GLIS3: variants seen among roughly 807,000 people sequenced by gnomAD.
The protein encoded by GLIS3 is zinc finger protein GLIS3.
Under a neutral mutation model 78.6 loss-of-function variants are expected in GLIS3, and 53 were observed. That is an observed-to-expected ratio of 0.67 (90% CI 0.54 to 0.85). The LOEUF (loss-of-function observed/expected upper bound fraction) is 0.85. Ranked by LOEUF, GLIS3 falls within the 40% of genes least tolerant of loss-of-function variation. GLIS3 has a pLI of 0.00. For missense variants in GLIS3, 1,703 were observed against 1,231.1 expected (o/e 1.38, Z -5.74); for synonymous variants, 684 against 509.9 (o/e 1.34, Z -4.60).
intron 4 of GLIS3, among the ~76,000 whole-genome samples, chr9:3,978,387 G>A (rs955131088): frequency 2.0e-5 from 3 of 151,972 alleles, no homozygotes; most frequent in African/African-American, 7.3e-5. Context: ...GGGAATATGT[G>A]TGTACACTTT....
At chr9:4,177,509 A>G (rs1464238607) in intron 2 of GLIS3, among the ~76,000 whole-genome samples, 2 of 152,174 alleles carry the variant, frequency 1.3e-5, no homozygotes, top group Non-Finnish European at 1.5e-5. Context: ...GAAGCAAGAT[A>G]CCCTCCCTTC....
the GLIS3 span, among the ~76,000 whole-genome samples, chr9:4,390,290 T>C: frequency 6.6e-6 from 1 of 152,266 alleles, no homozygotes; most frequent in South Asian, 2.1e-4. Context: ...CTTTGCACTA[T>C]GTGCAGGAAA....
chr9:4,251,242 C>T (rs1015964442), intron 2 of GLIS3, among the ~76,000 whole-genome samples: 3 of 152,256 alleles, frequency 2.0e-5, no homozygotes, highest in Middle Eastern at 3.4e-3. Flanking sequence ...TCGGACTCTA[C>T]GTCTCTTTGT....
At chr9:4,001,782 G>T (rs1163678542) in intron 4 of GLIS3, among the ~76,000 whole-genome samples, 2 of 152,144 alleles carry the variant, frequency 1.3e-5, no homozygotes, top group African/African-American at 4.8e-5. Flanking sequence ...ACCAAATACA[G>T]GACAGCAAGT....
chr9:4,255,137 A>T (rs762978601), intron 2 of GLIS3, among the ~76,000 whole-genome samples: 15 of 152,206 alleles, frequency 9.9e-5, no homozygotes, highest in Non-Finnish European at 1.8e-4. Context: ...TCATCAGAGA[A>T]AGGCAAATTA....
At chr9:4,399,814 A>T in the GLIS3 span, among the ~76,000 whole-genome samples, 2 of 152,294 alleles carry the variant, frequency 1.3e-5, no homozygotes, top group Middle Eastern at 6.8e-3. Context: ...AGCCTTGGGC[A>T]TGAGGTTAAG....
chr9:3,878,823 G>C (rs1045043173), intron 8 of GLIS3: 1 of 157,516 alleles, frequency 6.3e-6, no homozygotes, highest in African/African-American at 2.4e-5. Flanking sequence ...AGATGGAGAA[G>C]CAAGAGATGC....
At chr9:4,273,633 A>AAATAAATG (rs1051463994) in intron 2 of GLIS3, among the ~76,000 whole-genome samples, 2 of 139,106 alleles carry the variant, frequency 1.4e-5, no homozygotes, top group African/African-American at 5.1e-5. Flanking sequence ...ATAAATAAAT[A>AAATAAATG]AATGTATTTT....
chr9:3,932,429 G>A lies in GLIS3; in HGVS notation c.1914C>T (p.Tyr638=). 1 of 1,613,824 alleles carries A rather than the reference G, an allele frequency of 6.2e-7. No homozygotes were observed. Among genetic ancestry groups the A allele is most frequent in the Non-Finnish European group, 8.5e-7 (1 of 1,179,806 alleles). Reference sequence around the variant, plus strand: ...GCTTTCTTAGGGAACTTGGGTCTGTGTAGCGTTTGGTACATCCTGGAATTT... The same window carrying A: ...GCTTTCTTAGGGAACTTGGGTCTGTATAGCGTTTGGTACATCCTGGAATTT... ...ACQIPGCTKR[Y]TDPSSLRKHV... The change falls in exon 6 of 11, where the codon TAC becomes TAT. Residue 638 remains tyrosine, a synonymous_variant. Transcript: ENST00000381971.
rs190901593 is a variant in GLIS3 at position 3,925,124 on chromosome 9, T to C, written c.1983+7236A>G. On this transcript the variant is annotated intron_variant, in intron 6 of 10. Coordinates refer to ENST00000381971, the MANE Select transcript of GLIS3 (RefSeq NM_001042413.2). Reference sequence around the variant, plus strand: ...AACTACTTTGTTACATTTGACAAAATATTGTAATGTAATAAAGAATAATAC... The same window carrying C: ...AACTACTTTGTTACATTTGACAAAACATTGTAATGTAATAAAGAATAATAC... 1.1e-4 allele frequency among the ~76,000 whole-genome samples: 16 copies of C among 152,310 alleles called. No individual in the cohort carries two copies. In the South Asian group the frequency reaches 3.3e-3, roughly 32 times the overall value.
chr9:4,044,868 C>T (rs990010688), intron 4 of GLIS3, among the ~76,000 whole-genome samples: 4 of 152,174 alleles, frequency 2.6e-5, no homozygotes, highest in African/African-American at 9.7e-5. Context: ...GAAAGTCCCC[C>T]AGGATAATAG....
At position 3,927,933 on chromosome 9, in the gene GLIS3, C is replaced by G. The variant is rs184390475; in HGVS notation, c.1983+4427G>C. 2.0e-3 allele frequency among the ~76,000 whole-genome samples: 298 copies of G among 152,158 alleles called. 7 individuals carry two copies. The highest frequency in any genetic ancestry group is 0.017 in the Middle Eastern group (5 of 294). ...ATTAATTAGCATAAAAATTTCTAAC[C>G]AAAAACACTGGTGTTACAAAAGCAT... On this transcript the variant is annotated intron_variant, in intron 6 of 10. Coordinates refer to ENST00000381971, the MANE Select transcript of GLIS3 (RefSeq NM_001042413.2).
intron 4 of GLIS3, among the ~76,000 whole-genome samples, chr9:4,112,433 T>C (rs796670315): frequency 1.2e-4 from 19 of 152,366 alleles, no homozygotes; most frequent in African/African-American, 4.3e-4. Context: ...GGTAGGCTTT[T>C]ATTTATCTAG....
the GLIS3 span, among the ~76,000 whole-genome samples, chr9:4,450,182 C>A: frequency 2.0e-5 from 3 of 152,004 alleles, no homozygotes; most frequent in Non-Finnish European, 4.4e-5. Context: ...AATCACGACA[C>A]GAGAACTATG....
intron 2 of GLIS3, among the ~76,000 whole-genome samples, chr9:4,155,752 A>G (rs752130558): frequency 6.6e-6 from 1 of 152,124 alleles, no homozygotes; most frequent in African/African-American, 2.4e-5. Flanking sequence ...ACGGCTGTAC[A>G]AGCATAGATT....
chr9:4,067,025 T>G (rs936111675), intron 4 of GLIS3, among the ~76,000 whole-genome samples: 9 of 152,186 alleles, frequency 5.9e-5, no homozygotes, highest in Admixed American at 1.3e-4. Flanking sequence ...CAATGGGATC[T>G]AATTCTCAAT....
chr9:4,180,470 A>G (rs890342118), intron 2 of GLIS3, among the ~76,000 whole-genome samples: 1 of 152,108 alleles, frequency 6.6e-6, no homozygotes, highest in African/African-American at 2.4e-5. Flanking sequence ...ATAATTTTTT[A>G]CGGCTATTTT....
At chr9:3,923,227 T>G (rs1056494252) in intron 6 of GLIS3, among the ~76,000 whole-genome samples, 1 of 152,202 alleles carries the variant, frequency 6.6e-6, no homozygotes, top group African/African-American at 2.4e-5. Flanking sequence ...TCTCTCTAAA[T>G]CACAGATCTG....
At chr9:3,883,208 A>G (rs10814753) in intron 7 of GLIS3, among the ~76,000 whole-genome samples, 4,136 of 152,348 alleles carry the variant, frequency 0.027, 92 homozygotes, top group Non-Finnish European at 0.044. Flanking sequence ...CCTGATTTCT[A>G]GGAATTTCTG....
Sources: allele counts gnomAD v4.1 joint callset (sites outside exome capture counted in the v4.1 genomes callset), GRCh38; gene constraint gnomAD v4.1.1; transcripts MANE v1.5; gene names NCBI Gene and HGNC (gene_info 2026-07-23, HGNC 2026-07-21).